STON1: variants seen among roughly 807,000 people sequenced by gnomAD.
The protein encoded by STON1 is stonin 1.
In STON1, 79 loss-of-function variants were observed where a neutral mutation model predicts 60.9. The observed-to-expected ratio is 1.30, with a 90% confidence interval of 1.08 to 1.56. The LOEUF (loss-of-function observed/expected upper bound fraction) is 1.56. Ranked by LOEUF, STON1 falls within the 40% of genes most tolerant of loss-of-function variation. The probability of loss-of-function intolerance (pLI) is 0.00; values close to 1 mark genes in which losing one functional copy is unlikely to be tolerated. For missense variants in STON1, 1,166 were observed against 858.9 expected (o/e 1.36, Z -4.47); for synonymous variants, 363 against 306.9 (o/e 1.18, Z -1.91).
At chr2:48,541,699 CAAAAAAAAAAAAAA>C (rs71399061) in intron 1 of STON1, among the ~76,000 whole-genome samples, 1 of 60,682 alleles carries the variant, frequency 1.6e-5, no homozygotes, top group Non-Finnish European at 2.9e-5. Context: ...AACTTCGTCT[CAAAAAAAAAAAAAA>C]AAAAAAAAAA....
chr2:48,534,155 T>C (rs1015084875), intron 1 of STON1, among the ~76,000 whole-genome samples: 1 of 152,242 alleles, frequency 6.6e-6, no homozygotes, highest in Non-Finnish European at 1.5e-5. Context: ...ACTGGAATTA[T>C]GTGCATCAAA....
intron 1 of STON1, chr2:48,531,845 A>C (rs750856296): frequency 1.3e-5 from 2 of 152,228 alleles, no homozygotes; most frequent in Non-Finnish European, 2.9e-5. Flanking sequence ...GTAGTAGATC[A>C]GATTCTGAAC....
At chr2:48,564,052 G>A (rs1159996206) in intron 1 of STON1, among the ~76,000 whole-genome samples, 1 of 152,078 alleles carries the variant, frequency 6.6e-6, no homozygotes, top group African/African-American at 2.4e-5. Context: ...TTAGAGGCCC[G>A]TGACTGGCTC....
chr2:48,549,550 G>A (rs551485801), intron 1 of STON1, among the ~76,000 whole-genome samples: 12 of 152,226 alleles, frequency 7.9e-5, no homozygotes, highest in South Asian at 4.1e-4. Flanking sequence ...GGTGGCTCAC[G>A]CCTGTAATCC....
At chr2:48,566,939 C>G (rs976539653) in intron 1 of STON1, among the ~76,000 whole-genome samples, 1 of 151,840 alleles carries the variant, frequency 6.6e-6, no homozygotes, top group Non-Finnish European at 1.5e-5. Context: ...CTGAGCCTGG[C>G]TAGAATTTGG....
At chr2:48,570,945 C>G (rs1268436646) in intron 1 of STON1, among the ~76,000 whole-genome samples, 2 of 149,660 alleles carry the variant, frequency 1.3e-5, no homozygotes, top group Non-Finnish European at 3.0e-5. Flanking sequence ...TCACTGCAAC[C>G]TCCACCTCCT....
At chr2:48,590,925 G>T (rs547225797) in intron 2 of STON1, among the ~76,000 whole-genome samples, 3 of 152,246 alleles carry the variant, frequency 2.0e-5, no homozygotes, top group Non-Finnish European at 4.4e-5. Context: ...AACATTTTCT[G>T]AAAGTTAAGT....
chr2:48,561,888 T>A (rs1192322877), intron 1 of STON1, among the ~76,000 whole-genome samples: 1 of 152,084 alleles, frequency 6.6e-6, no homozygotes, highest in African/African-American at 2.4e-5. Flanking sequence ...TGAAACAGAG[T>A]CTCACTCTGT....
intron 2 of STON1, among the ~76,000 whole-genome samples, chr2:48,590,636 A>AACACACATACACACACAC (rs1553365755): frequency 1.4e-5 from 2 of 142,034 alleles, no homozygotes; most frequent in Non-Finnish European, 3.0e-5. Flanking sequence ...ATTTCCTTAT[A>AACACACATACACACACAC]ACACACACAC....
At chr2:48,557,061 G>T (rs1672397890) in intron 1 of STON1, among the ~76,000 whole-genome samples, 3 of 103,022 alleles carry the variant, frequency 2.9e-5, no homozygotes, top group Non-Finnish European at 4.1e-5. Flanking sequence ...GCGGCTGGCC[G>T]GGCGGGGGGC....
chr2:48,555,326 C>G (rs1243277329), intron 1 of STON1, among the ~76,000 whole-genome samples: 1 of 30,582 alleles, frequency 3.3e-5, no homozygotes. Context: ...GGGGGCTGAC[C>G]CCCCCCACCT....
Position 48,582,365 on chromosome 2 carries a change from T to G in STON1, c.1732T>G (p.Trp578Gly). 6.2e-7 allele frequency: 1 copy of G among 1,614,192 alleles called. No individual in the cohort carries two copies. The highest frequency in any genetic ancestry group is 8.5e-7 in the Non-Finnish European group (1 of 1,180,028). ...IRIHFPVPSQ[W>G]IKALWTMNLQ... ...GATACACTTTCCTGTCCCATCGCAG[T>G]GGATCAAGGCCCTTTGGACCATGAA... is the stretch of plus-strand genomic sequence containing the variant. Residue 578 changes from tryptophan to glycine, a missense_variant, in exon 2 of 4, where the codon TGG (tryptophan) becomes GGG (glycine). Physicochemically the swap from Trp to Gly is radical, Grantham distance 184 (BLOSUM62 -2). Transcript: ENST00000404752.
chr2:48,564,403 GTGT>G lies in STON1; in HGVS notation c.-47-16183_-47-16181del, dbSNP rs1230385308. ...GCTAGGTCCTCCAGTGGCAGTGGCG[GTGT>G]CTTCTTCTTCTTCTTCTTCTTCTTC... On this transcript the variant is annotated intron_variant, in intron 1 of 3. Coordinates refer to ENST00000404752, the MANE Select transcript of STON1 (RefSeq NM_006873.4). 7.2e-4 allele frequency among the ~76,000 whole-genome samples: 93 copies of G among 130,030 alleles called. 2 individuals are homozygous for G. Among genetic ancestry groups the G allele is most frequent in the African/African-American group, 2.5e-3 (88 of 34,808 alleles). The allele number at this position is 130,030 out of a possible 152,430, so 85.3% of individuals were successfully genotyped here.
chr2:48,595,145 C>T, intron 3 of STON1, 83 bp from the exon 4 acceptor site: 1 of 1,080,144 alleles, frequency 9.3e-7, no homozygotes. Context: ...CAGTCTGTGC[C>T]ACATGTATAA....
At chr2:48,555,591 C>T (rs1279607951) in intron 1 of STON1, among the ~76,000 whole-genome samples, 164 of 26,776 alleles carry the variant, frequency 6.1e-3, no homozygotes, top group African/African-American at 0.01. Context: ...GCTGGCCGGG[C>T]GGGGGGCTGA....
intron 3 of STON1, 70 bp from the exon 4 acceptor site, chr2:48,595,158 T>C (rs1674726894): frequency 2.5e-6 from 3 of 1,207,712 alleles, no homozygotes; most frequent in Admixed American, 1.8e-5. Flanking sequence ...ATGTATAAAA[T>C]AGGACTGAAG....
intron 1 of STON1, among the ~76,000 whole-genome samples, chr2:48,542,043 A>T (rs1671676427): frequency 6.6e-6 from 1 of 152,202 alleles, no homozygotes; most frequent in Admixed American, 6.5e-5. Context: ...AAGAAAAAAC[A>T]TGTGGAAAAG....
At chr2:48,585,396 C>T (rs1674150458) in intron 2 of STON1, among the ~76,000 whole-genome samples, 1 of 152,024 alleles carries the variant, frequency 6.6e-6, no homozygotes, top group Admixed American at 6.6e-5. Context: ...TACAGGCCCG[C>T]ACCACCACAC....
Position 48,595,393 on chromosome 2 carries a change from C to A in STON1, c.*91C>A. The A allele has an allele frequency of 2.6e-6, 3 of 1,167,880 alleles. No homozygotes were observed. The highest frequency in any genetic ancestry group is 3.8e-6 in the Non-Finnish European group (3 of 795,732). The allele number at this position is 1,167,880 out of a possible 1,614,324, so 72.3% of individuals were successfully genotyped here. A position where few individuals can be genotyped will look rare whatever the true frequency, so the allele number is the denominator to read the frequency against. On this transcript the variant is annotated 3_prime_UTR_variant, in exon 4 of 4. Transcript: ENST00000404752. Reference sequence around the variant, plus strand: ...TCCTGCTACTGTAGAGTGGAAATGACTTCTGAATAGCGGTTTTAGGACAGG... The same window carrying A: ...TCCTGCTACTGTAGAGTGGAAATGAATTCTGAATAGCGGTTTTAGGACAGG...
Sources: gnomAD v4.1 joint callset for allele counts (sites outside exome capture counted in the v4.1 genomes callset) on GRCh38, gnomAD v4.1.1 for gene constraint, MANE v1.5 for transcripts, NCBI Gene and HGNC (gene_info 2026-07-23, HGNC 2026-07-21) for gene names.